The following PCDH7 variants were observed in gnomAD, a reference collection of about 807,000 sequenced individuals.
The protein encoded by PCDH7 is protocadherin-7.
A neutral mutation model predicts 58.9 loss-of-function variants in PCDH7; 17 were observed. The observed-to-expected ratio is 0.29, with a 90% CI of 0.20 to 0.43. The LOEUF (loss-of-function observed/expected upper bound fraction) is 0.43, where lower values mean the gene tolerates loss of function less well. PCDH7 is among the 20% of genes least tolerant of loss of function. PCDH7 has a pLI of 1.00. For missense variants in PCDH7, 1,274 were observed against 1,441.0 expected (o/e 0.88, Z 1.88); for synonymous variants, 664 against 616.4 (o/e 1.08, Z -1.14).
intron 3 of PCDH7, among the ~76,000 whole-genome samples, chr4:30,990,758 A>G (rs371291978): frequency 1.3e-5 from 2 of 152,134 alleles, no homozygotes; most frequent in African/African-American, 4.8e-5. Context: ...TCAAGAGCTA[A>G]AAGTGGGCAC....
At chr4:30,929,955 T>C (rs776827362) in intron 2 of PCDH7, among the ~76,000 whole-genome samples, 8 of 152,214 alleles carry the variant, frequency 5.3e-5, no homozygotes, top group Non-Finnish European at 1.2e-4. Context: ...GTTATAAGAA[T>C]CCATTGAGTA....
intron 1 of PCDH7, among the ~76,000 whole-genome samples, chr4:30,827,846 G>T (rs907631113): frequency 1.3e-5 from 2 of 152,134 alleles, no homozygotes; most frequent in African/African-American, 2.4e-5. Flanking sequence ...GGATCAAGTT[G>T]TTGAAGGAGC....
intron 3 of PCDH7, among the ~76,000 whole-genome samples, chr4:31,074,696 A>T (rs1027849536): frequency 5.0e-5 from 7 of 141,010 alleles, no homozygotes; most frequent in African/African-American, 1.8e-4. Flanking sequence ...AGGCAGTAGA[A>T]TTGCTTGAAC....
At chr4:31,064,260 C>T (rs780633857) in intron 3 of PCDH7, among the ~76,000 whole-genome samples, 3 of 151,868 alleles carry the variant, frequency 2.0e-5, no homozygotes, top group African/African-American at 4.8e-5. Flanking sequence ...GGAAACAACA[C>T]GCAGGAGAAA....
At chr4:31,076,688 A>C (rs1345478388) in intron 3 of PCDH7, among the ~76,000 whole-genome samples, 1 of 152,364 alleles carries the variant, frequency 6.6e-6, no homozygotes, top group East Asian at 1.9e-4. Context: ...CAACATAGTT[A>C]GTAATATTAT....
At chr4:30,800,926 A>G (rs904835052) in intron 1 of PCDH7, among the ~76,000 whole-genome samples, 1 of 152,218 alleles carries the variant, frequency 6.6e-6, no homozygotes, top group African/African-American at 2.4e-5. Flanking sequence ...AAGTTTTCAT[A>G]CAAGAGATAA....
At chr4:30,763,240 A>G (rs1577700111) in intron 1 of PCDH7, among the ~76,000 whole-genome samples, 1 of 152,188 alleles carries the variant, frequency 6.6e-6, no homozygotes, top group African/African-American at 2.4e-5. Flanking sequence ...AAAAGCATAA[A>G]TAAATATATT....
At chr4:30,938,014 G>C (rs959115752) in intron 2 of PCDH7, among the ~76,000 whole-genome samples, 1 of 151,746 alleles carries the variant, frequency 6.6e-6, no homozygotes, top group Non-Finnish European at 1.5e-5. Flanking sequence ...ACAATCAGTG[G>C]TAAGGCTTTC....
At chr4:31,019,498 G>T (rs1192249513) in intron 3 of PCDH7, among the ~76,000 whole-genome samples, 1 of 151,866 alleles carries the variant, frequency 6.6e-6, no homozygotes, top group Non-Finnish European at 1.5e-5. Flanking sequence ...GAGGTCAAGA[G>T]TTAGAGACCA....
At chr4:31,006,722 G>T (rs1260205901) in intron 3 of PCDH7, among the ~76,000 whole-genome samples, 2 of 151,834 alleles carry the variant, frequency 1.3e-5, no homozygotes, top group African/African-American at 2.4e-5. Flanking sequence ...GAAAAACCCT[G>T]TCTCTACTAA....
chr4:30,815,715 G>A (rs891853317), intron 1 of PCDH7, among the ~76,000 whole-genome samples: 3 of 152,204 alleles, frequency 2.0e-5, no homozygotes, highest in East Asian at 1.9e-4. Flanking sequence ...GCACATGTGG[G>A]AGCCCACTTA....
intron 3 of PCDH7, among the ~76,000 whole-genome samples, chr4:31,106,484 G>A (rs1288412678): frequency 1.3e-5 from 2 of 152,128 alleles, no homozygotes; most frequent in Non-Finnish European, 2.9e-5. Flanking sequence ...ATGAAGTGAG[G>A]TTTCCCTGTG....
chr4:30,774,092 C>T (rs1485608847), intron 1 of PCDH7, among the ~76,000 whole-genome samples: 1 of 152,104 alleles, frequency 6.6e-6, no homozygotes, highest in Non-Finnish European at 1.5e-5. Context: ...TCTTTTATGT[C>T]TCTTAATAGG....
intron 1 of PCDH7, among the ~76,000 whole-genome samples, chr4:30,844,657 A>G (rs1484053767): frequency 6.6e-6 from 1 of 152,228 alleles, no homozygotes; most frequent in Non-Finnish European, 1.5e-5. Context: ...CACATTATTT[A>G]CAAACATGTA....
intron 1 of PCDH7, among the ~76,000 whole-genome samples, chr4:30,740,096 A>G (rs530156702): frequency 5.9e-5 from 9 of 152,298 alleles, no homozygotes; most frequent in African/African-American, 2.2e-4. Context: ...TAACTTGCTC[A>G]TGGTCACACA....
At chr4:31,048,372 T>G (rs1184428374) in intron 3 of PCDH7, among the ~76,000 whole-genome samples, 2 of 152,042 alleles carry the variant, frequency 1.3e-5, no homozygotes, top group African/African-American at 2.4e-5. Context: ...AATTTAGTCA[T>G]TCTGTTTTCA....
intron 1 of PCDH7, among the ~76,000 whole-genome samples, chr4:30,773,518 AT>A (rs905193941): frequency 3.3e-5 from 5 of 149,710 alleles, no homozygotes; most frequent in African/African-American, 1.2e-4. Context: ...TTGGGAATGT[AT>A]TGCTTAGGAA....
intron 1 of PCDH7, among the ~76,000 whole-genome samples, chr4:30,903,706 C>A (rs1740522753): frequency 6.6e-6 from 1 of 152,096 alleles, no homozygotes. Flanking sequence ...AGAAGAAGTT[C>A]TGGATTCCTG....
At chr4:30,840,783 G>A (rs574535553) in intron 1 of PCDH7, among the ~76,000 whole-genome samples, 1 of 152,202 alleles carries the variant, frequency 6.6e-6, no homozygotes, top group African/African-American at 2.4e-5. Flanking sequence ...CCAGCCATCT[G>A]CATATAGTTC....
Sources: gnomAD v4.1 joint callset for allele counts (sites outside exome capture counted in the v4.1 genomes callset) on GRCh38, gnomAD v4.1.1 for gene constraint, MANE v1.5 for transcripts, NCBI Gene and HGNC (gene_info 2026-07-23, HGNC 2026-07-21) for gene names.